Variants in ANAPC5 observed in about 807,000 individuals in gnomAD.
ANAPC5 encodes the protein anaphase-promoting complex subunit 5.
A neutral mutation model predicts 91.3 loss-of-function variants in ANAPC5; 60 were observed. The observed-to-expected ratio is 0.66, with a 90% CI of 0.53 to 0.81. The LOEUF is 0.81. Ranked by LOEUF, ANAPC5 falls within the 40% of genes least tolerant of loss-of-function variation. ANAPC5 has a pLI of 0.00. For missense variants in ANAPC5, 690 were observed against 931.5 expected, an observed-to-expected ratio of 0.74 and a Z score of 3.37; for synonymous variants, 340 against 364.1, an observed-to-expected ratio of 0.93 and a Z score of 0.75.
At chr12:121,312,427 C>T (rs1018644689) in intron 15 of ANAPC5, among the ~76,000 whole-genome samples, 22 of 151,764 alleles carry the variant, frequency 1.4e-4, no homozygotes, top group Non-Finnish European at 2.8e-4. Context: ...ACCCAGGTAG[C>T]CAGGCACAGC....
intron 8 of ANAPC5, 113 bp downstream of exon 8, chr12:121,331,234 C>T (rs1186223738): frequency 1.2e-6 from 1 of 825,720 alleles, no homozygotes. Flanking sequence ...AACTTGTTTC[C>T]TTTTGCTGCT....
At chr12:121,320,283 C>A in intron 12 of ANAPC5, 102 bp downstream of exon 12, 1 of 1,130,808 alleles carries the variant, frequency 8.8e-7, no homozygotes, top group East Asian at 2.5e-5. Context: ...TCCTTTTTAG[C>A]TCAATATTAT....
chr12:121,323,244 A>G (rs1222859758), intron 11 of ANAPC5, among the ~76,000 whole-genome samples: 2 of 152,160 alleles, frequency 1.3e-5, no homozygotes, highest in Non-Finnish European at 2.9e-5. Flanking sequence ...CAATGACTAG[A>G]TTGAAATGTT....
At chr12:121,322,116 G>A (rs899027393) in intron 11 of ANAPC5, among the ~76,000 whole-genome samples, 6 of 148,920 alleles carry the variant, frequency 4.0e-5, no homozygotes, top group South Asian at 2.1e-4. Context: ...CGCCTGCCTC[G>A]GTCTCCCAAA....
At position 121,342,180 on chromosome 12, in the gene ANAPC5, C is replaced by A; in HGVS notation, c.591-111G>T. On this transcript the variant is annotated intron_variant, in intron 4 of 16. Transcript: ENST00000261819. The surrounding 1 kb of genome is among the most constrained non-coding windows in gnomAD (Gnocchi z 4.1). ...TCGAAAGAGTTCAAAAAATTTAACTCTCTCCTCAGAACTAGGAAAGAAAAA... is the reference window on the plus strand; with the variant it reads ...TCGAAAGAGTTCAAAAAATTTAACTATCTCCTCAGAACTAGGAAAGAAAAA... The A allele has an allele frequency of 1.3e-6, 1 of 754,828 alleles. No individual in the cohort carries two copies. Among genetic ancestry groups the A allele is most frequent in the Non-Finnish European group, 2.1e-6 (1 of 472,098 alleles). 46.8% of individuals were successfully genotyped at this position (754,828 alleles called of 1,614,324 possible).
rs140292131 is a variant in ANAPC5, at chr12:121,322,165, GT to G, written c.1441-1707del. On this transcript the variant is annotated intron_variant, in intron 11 of 16. Coordinates refer to ENST00000261819, the MANE Select transcript of ANAPC5 (RefSeq NM_016237.5). ...AGGCGTGAGCCACCGCACCTGGCCT[GT>G]TTTTTTTTTTGAGAGGGAGTCTCAC... Among the ~76,000 whole-genome samples, 1,047 of 138,096 alleles carry G rather than the reference GT, an allele frequency of 7.6e-3. 12 individuals carry two copies. The highest frequency in any genetic ancestry group is 0.026 in the African/African-American group (978 of 37,524). 90.6% of individuals were successfully genotyped at this position (138,096 alleles called of 152,430 possible). A position where few individuals can be genotyped will look rare whatever the true frequency, so the allele number is the denominator to read the frequency against.
intron 7 of ANAPC5, chr12:121,333,191 C>G (rs1204789435): frequency 6.6e-6 from 1 of 152,090 alleles, no homozygotes; most frequent in African/African-American, 2.4e-5. Context: ...TGGCATGCAC[C>G]TGTAGTCCCA....
chr12:121,349,457 G>A (rs1903800835), intron 1 of ANAPC5, among the ~76,000 whole-genome samples: 1 of 151,972 alleles, frequency 6.6e-6, no homozygotes, highest in East Asian at 1.9e-4. Context: ...CTACTTAGAA[G>A]ACTGAGGTAG....
rs781783544 is a variant in ANAPC5 at position 121,330,571 on chromosome 12, G to A, written c.1122+12C>T. 1.9e-6 allele frequency: 3 copies of A among 1,609,684 alleles called. No homozygotes were observed. The Admixed American group carries it at 5.1e-5, about 27-fold the overall frequency. Reference sequence around the variant, plus strand: ...ATTTATGGAAACAATCTCACAGAAAGATGAGCCTTACCGGTAACCCAAAAT... The same window carrying A: ...ATTTATGGAAACAATCTCACAGAAAAATGAGCCTTACCGGTAACCCAAAAT... On this transcript the variant is annotated intron_variant, in intron 9 of 16. Coordinates refer to ENST00000261819, the MANE Select transcript of ANAPC5 (RefSeq NM_016237.5).
chr12:121,351,993 T>C (rs1453318882), intron 1 of ANAPC5, 141 bp downstream of exon 1: 2 of 781,528 alleles, frequency 2.6e-6, no homozygotes, highest in African/African-American at 3.5e-5. Flanking sequence ...CTACCGGTAG[T>C]AGCTATCTTT....
In ANAPC5 at chr12:121,352,267, C is replaced by G; in HGVS notation, c.74G>C (p.Gly25Ala). Residue 25 changes from glycine (G) to alanine (A), a missense_variant, in exon 1 of 17, where the codon GGC becomes GCC. Gly to Ala is a moderately conservative substitution (Grantham distance 60). Around this residue, in one of 5 missense-constraint regions of ANAPC5, gnomAD observed 238 missense variants for 264.9 expected, o/e 0.90. Transcript: ENST00000261819. ...GTACGGCGTCACCCAGTCCTTGATG[C>G]CGAACACATTGGCGTGCACAACCCC... ...TNGVVHANVFGIKDWVTPYKI... is the reference protein window; with the variant it reads ...TNGVVHANVFAIKDWVTPYKI... 1 of 1,614,116 alleles carries G rather than the reference C, an allele frequency of 6.2e-7. No homozygotes were observed. Among genetic ancestry groups the G allele is most frequent in the East Asian group, 2.2e-5 (1 of 44,874 alleles).
intron 15 of ANAPC5, among the ~76,000 whole-genome samples, chr12:121,316,823 G>T (rs1263236805): frequency 6.6e-6 from 1 of 150,856 alleles, no homozygotes; most frequent in African/African-American, 2.5e-5. Flanking sequence ...ACAGCCAAAA[G>T]GTGGAAACGA....
At chr12:121,327,443 T>C (rs1902863862) in intron 10 of ANAPC5, 3 of 571,726 alleles carry the variant, frequency 5.2e-6, no homozygotes, top group South Asian at 4.3e-5. Context: ...AGGAGACACG[T>C]AGTGGTTAGG....
At chr12:121,343,828 A>G (rs1380325891) in intron 4 of ANAPC5, among the ~76,000 whole-genome samples, 1 of 152,214 alleles carries the variant, frequency 6.6e-6, no homozygotes, top group African/African-American at 2.4e-5. Flanking sequence ...TCCTTAGGGC[A>G]GGTGGGGCTT....
At chr12:121,314,351 C>A (rs1019675938) in intron 15 of ANAPC5, among the ~76,000 whole-genome samples, 1 of 152,046 alleles carries the variant, frequency 6.6e-6, no homozygotes, top group Non-Finnish European at 1.5e-5. Context: ...ACAGAAGTTG[C>A]AGTGAGCCAA....
intron 4 of ANAPC5, among the ~76,000 whole-genome samples, chr12:121,344,815 T>C (rs1328183830): frequency 6.6e-6 from 1 of 151,696 alleles, no homozygotes; most frequent in Non-Finnish European, 1.5e-5. Context: ...AAGGAGAAAA[T>C]AAAGAGAAAG....
At chr12:121,321,627 G>T (rs1902613341) in intron 11 of ANAPC5, among the ~76,000 whole-genome samples, 1 of 150,998 alleles carries the variant, frequency 6.6e-6, no homozygotes, top group African/African-American at 2.4e-5. Flanking sequence ...CTCCTCCTGG[G>T]TTCTAGCAAT....
chr12:121,344,677 G>C (rs1202346965), intron 4 of ANAPC5, among the ~76,000 whole-genome samples: 1 of 152,142 alleles, frequency 6.6e-6, no homozygotes, highest in Non-Finnish European at 1.5e-5. Flanking sequence ...GCTGTGATCT[G>C]AAAGGTGAAA....
intron 1 of ANAPC5, among the ~76,000 whole-genome samples, chr12:121,350,594 T>C (rs991865030): frequency 2.0e-5 from 3 of 149,878 alleles, no homozygotes; most frequent in East Asian, 4.0e-4. Flanking sequence ...GGCAGGAGAA[T>C]GGCGTGAACC....
Sources: gnomAD v4.1 joint callset for allele counts (sites outside exome capture counted in the v4.1 genomes callset) on GRCh38, gnomAD v4.1.1 for gene constraint, gnomAD v4.1.1 regional missense constraint, Gnocchi (gnomAD v3.1) non-coding constraint, MANE v1.5 for transcripts, NCBI Gene and HGNC (gene_info 2026-07-23, HGNC 2026-07-21) for gene names.